The following PDE2A variants were observed in gnomAD, a reference collection of about 807,000 sequenced individuals.
PDE2A encodes the protein phosphodiesterase 2A.
A neutral mutation model predicts 133.6 loss-of-function variants in PDE2A; 53 were observed. The ratio of observed to expected loss-of-function variants is 0.40; its 90% CI spans 0.32 to 0.50. PDE2A has a LOEUF of 0.50. Among genes scored for constraint, PDE2A ranks in the 20% least tolerant of loss-of-function variants. PDE2A has a pLI of 0.73. For synonymous variants in PDE2A, 491 were observed against 490.2 expected, an observed-to-expected ratio of 1.00 and a Z score of -0.02; for missense variants, 796 against 1,232.4, an observed-to-expected ratio of 0.65 and a Z score of 5.30.
chr11:72,610,958 G>C (rs1373259876), intron 2 of PDE2A, among the ~76,000 whole-genome samples: 3 of 152,208 alleles, frequency 2.0e-5, no homozygotes, highest in African/African-American at 7.2e-5. Context: ...CTAAAAAGGG[G>C]AGGAAGAGCT....
chr11:72,620,933 C>A (rs902013438), intron 2 of PDE2A, among the ~76,000 whole-genome samples: 10 of 152,042 alleles, frequency 6.6e-5, no homozygotes, highest in African/African-American at 2.4e-4. Flanking sequence ...CTTCACTGTG[C>A]TCCTACTGGT....
chr11:72,593,888 T>G (rs1412570000), intron 6 of PDE2A, among the ~76,000 whole-genome samples: 2 of 152,274 alleles, frequency 1.3e-5, no homozygotes, highest in South Asian at 2.1e-4. Flanking sequence ...CCATCACGTG[T>G]GATCCTATCC....
intron 2 of PDE2A, among the ~76,000 whole-genome samples, chr11:72,612,684 G>C (rs547425521): frequency 6.6e-6 from 1 of 151,722 alleles, no homozygotes; most frequent in South Asian, 2.1e-4. Flanking sequence ...GATGGTGGAT[G>C]GATGGGTGGG....
chr11:72,671,966 A>C (rs1015451895), intron 1 of PDE2A, among the ~76,000 whole-genome samples: 7 of 151,384 alleles, frequency 4.6e-5, no homozygotes, highest in Admixed American at 1.3e-4. Flanking sequence ...TCTGCACTAC[A>C]CCCCTGACCC....
At chr11:72,592,716 G>A (rs1156705420) in intron 6 of PDE2A, among the ~76,000 whole-genome samples, 1 of 152,090 alleles carries the variant, frequency 6.6e-6, no homozygotes, top group Non-Finnish European at 1.5e-5. Context: ...GTACTGGGGA[G>A]CCATGGCAGA....
At chr11:72,643,782 C>T (rs560578541) in intron 1 of PDE2A, among the ~76,000 whole-genome samples, 2 of 152,310 alleles carry the variant, frequency 1.3e-5, no homozygotes, top group East Asian at 3.9e-4. Context: ...TGGCACATAG[C>T]CTTGGCAGAG....
At chr11:72,667,361 C>T (rs1025949167) in intron 1 of PDE2A, among the ~76,000 whole-genome samples, 1 of 152,182 alleles carries the variant, frequency 6.6e-6, no homozygotes, top group African/African-American at 2.4e-5. Context: ...ATTTCCAAAT[C>T]TTAGCCTGTC....
rs1186870896 is a variant in PDE2A at position 72,581,960 on chromosome 11, G to A, written c.1852-13C>T. The A allele has an allele frequency of 2.5e-6, 4 of 1,612,244 alleles. No individual in the cohort carries two copies. The highest frequency in any genetic ancestry group is 3.4e-6 in the Non-Finnish European group (4 of 1,178,444). On this transcript the variant is annotated splice_polypyrimidine_tract_variant and intron_variant, in intron 21 of 30. Transcript: ENST00000334456. ...TGCTCAGGATGGCCTGGAGAGGGCAGAGGGAGGTATCAGAGGGGCTGCCAG... is the reference window on the plus strand; with the variant it reads ...TGCTCAGGATGGCCTGGAGAGGGCAAAGGGAGGTATCAGAGGGGCTGCCAG...
chr11:72,584,524 C>T (rs1158981200), intron 18 of PDE2A, 27 bp downstream of exon 18: 4 of 1,564,642 alleles, frequency 2.6e-6, no homozygotes, highest in Non-Finnish European at 3.5e-6. Flanking sequence ...GCAGGCCCCG[C>T]CCCTCCGCCC....
At chr11:72,622,000 A>G (rs1241179303) in intron 2 of PDE2A, among the ~76,000 whole-genome samples, 1 of 152,212 alleles carries the variant, frequency 6.6e-6, no homozygotes, top group Non-Finnish European at 1.5e-5. Context: ...AATAACAACA[A>G]AAAAGCAAAC....
intron 1 of PDE2A, among the ~76,000 whole-genome samples, chr11:72,658,789 G>T (rs183031058): frequency 2.6e-5 from 4 of 152,240 alleles, no homozygotes; most frequent in Admixed American, 2.6e-4. Flanking sequence ...ATACAACAAT[G>T]AACAACACAA....
chr11:72,598,958 G>A lies in PDE2A; in HGVS notation c.324-1339C>T, dbSNP rs78986933. 5.1e-4 allele frequency: 501 copies of A among 985,376 alleles called. 4 individuals carry two copies. In the East Asian group the frequency reaches 0.031, roughly 60 times the overall value. The allele number at this position is 985,376 out of a possible 1,614,324, so 61.0% of individuals were successfully genotyped here. A position where few individuals can be genotyped will look rare whatever the true frequency, so the allele number is the denominator to read the frequency against. On this transcript the variant is annotated intron_variant, in intron 4 of 30. Transcript: ENST00000334456. Reference sequence around the variant, plus strand: ...CAGTCACCCCGGGAAGGAGAGGGACGTAGGGTGGCAGGAGGGCAACGGGAG... The same window carrying A: ...CAGTCACCCCGGGAAGGAGAGGGACATAGGGTGGCAGGAGGGCAACGGGAG...
chr11:72,591,782 A>T (rs1295427426), intron 6 of PDE2A, among the ~76,000 whole-genome samples: 2 of 152,202 alleles, frequency 1.3e-5, no homozygotes, highest in African/African-American at 4.8e-5. Context: ...TCTTGGATAA[A>T]GGAATGGGCT....
chr11:72,647,489 C>A (rs995085835), intron 1 of PDE2A, among the ~76,000 whole-genome samples: 2 of 152,232 alleles, frequency 1.3e-5, no homozygotes, highest in African/African-American at 4.8e-5. Flanking sequence ...TACGCAGGCA[C>A]CAGGCCCAAA....
chr11:72,634,893 G>A (rs1189338303), intron 2 of PDE2A, among the ~76,000 whole-genome samples: 3 of 152,246 alleles, frequency 2.0e-5, no homozygotes, highest in Non-Finnish European at 4.4e-5. Flanking sequence ...GCCCTTGTCT[G>A]AGCCTTTGGA....
chr11:72,663,314 T>C (rs1391300919), intron 1 of PDE2A, among the ~76,000 whole-genome samples: 1 of 152,160 alleles, frequency 6.6e-6, no homozygotes, highest in Non-Finnish European at 1.5e-5. Flanking sequence ...AATGACATTC[T>C]TCAGCAGCCC....
chr11:72,656,713 A>G (rs1029808626), intron 1 of PDE2A, among the ~76,000 whole-genome samples: 2 of 151,834 alleles, frequency 1.3e-5, no homozygotes, highest in Non-Finnish European at 2.9e-5. Flanking sequence ...ACCTGGGAAA[A>G]TCCTGGCCAG....
chr11:72,579,155 G>A (rs11605051), intron 27 of PDE2A, 129 bp downstream of exon 27: 427,984 of 932,794 alleles, frequency 0.46, 104,337 homozygotes, highest in Non-Finnish European at 0.53. Context: ...TCTGCCTGGG[G>A]GGGGCCGTGC....
chr11:72,617,451 C>T (rs1382210236), intron 2 of PDE2A, among the ~76,000 whole-genome samples: 1 of 152,208 alleles, frequency 6.6e-6, no homozygotes. Flanking sequence ...TTCTCCCTGC[C>T]TCTCAGCCTC....
Sources: gnomAD v4.1 joint callset for allele counts (sites outside exome capture counted in the v4.1 genomes callset) on GRCh38, gnomAD v4.1.1 for gene constraint, MANE v1.5 for transcripts, NCBI Gene and HGNC (gene_info 2026-07-23, HGNC 2026-07-21) for gene names.